ZC3H15: variants seen among roughly 807,000 people sequenced by gnomAD.
ZC3H15 encodes zinc finger CCCH-type containing 15.
ZC3H15 carries 15 observed loss-of-function variants against 51.2 expected under a neutral mutation model. The ratio of observed to expected loss-of-function variants is 0.29; its 90% CI spans 0.20 to 0.45. ZC3H15 has a LOEUF of 0.45. ZC3H15 is among the 20% of genes least tolerant of loss of function. ZC3H15 has a pLI of 1.00. For missense variants in ZC3H15, 381 were observed against 494.7 expected (o/e 0.77, Z 2.18); for synonymous variants, 144 against 162.8 (o/e 0.88, Z 0.88).
intron 8 of ZC3H15, 31 bp downstream of exon 8, chr2:186,505,872 A>T: frequency 6.2e-7 from 1 of 1,601,166 alleles, no homozygotes; most frequent in Non-Finnish European, 8.5e-7. Context: ...TCATCTCCTT[A>T]TGTTAATTGA....
chr2:186,492,319 T>C (rs886969928), intron 1 of ZC3H15, among the ~76,000 whole-genome samples: 1 of 152,364 alleles, frequency 6.6e-6, no homozygotes, highest in South Asian at 2.1e-4. Context: ...TCACATTATG[T>C]TGACCATCTT....
chr2:186,502,958 G>A (rs984992559), intron 5 of ZC3H15, among the ~76,000 whole-genome samples: 3 of 151,988 alleles, frequency 2.0e-5, no homozygotes, highest in Non-Finnish European at 4.4e-5. Flanking sequence ...GTTTTAATAG[G>A]GATAGATTTT....
chr2:186,487,295 T>C (rs906573950), intron 1 of ZC3H15: 4 of 152,214 alleles, frequency 2.6e-5, no homozygotes, highest in African/African-American at 9.7e-5. Context: ...AACAACTGAA[T>C]TGAGTTTCCT....
rs1302132784 is a variant in ZC3H15, at chr2:186,495,228, T to C, written c.76-5T>C. 6.5e-7 allele frequency: 1 copy of C among 1,537,344 alleles called. No homozygotes were observed. The highest frequency in any genetic ancestry group is 8.7e-7 in the Non-Finnish European group (1 of 1,147,186). On this transcript the variant is annotated splice_polypyrimidine_tract_variant and splice_region_variant and intron_variant, in intron 1 of 9. Transcript: ENST00000337859. ...TAAGATATTTCTGTGCTCTTTCTCA[T>C]GTAGGACAAAACTTTCGGTTTGAAG...
At chr2:186,496,810 G>A (rs1685289630) in intron 2 of ZC3H15, among the ~76,000 whole-genome samples, 1 of 152,156 alleles carries the variant, frequency 6.6e-6, no homozygotes. Flanking sequence ...AATGATTTGT[G>A]TCTGAACATA....
chr2:186,500,604 C>G, intron 3 of ZC3H15: 2 of 513,844 alleles, frequency 3.9e-6, no homozygotes, highest in Admixed American at 2.3e-5. Context: ...GTTGAATAAA[C>G]TGTACGTCCC....
At chr2:186,489,233 T>G (rs569181685) in intron 1 of ZC3H15, 1 of 152,352 alleles carries the variant, frequency 6.6e-6, no homozygotes, top group East Asian at 1.9e-4. Flanking sequence ...TGATATTTGC[T>G]ACTACTGGAG....
intron 8 of ZC3H15, 103 bp downstream of exon 8, chr2:186,505,944 T>C: frequency 8.1e-7 from 1 of 1,231,662 alleles, no homozygotes; most frequent in Non-Finnish European, 1.2e-6. Context: ...CCACAGTGCC[T>C]GGGTTCAAAT....
chr2:186,495,467 G>C, intron 2 of ZC3H15, 133 bp downstream of exon 2: 1 of 597,452 alleles, frequency 1.7e-6, no homozygotes, highest in Non-Finnish European at 2.7e-6. Flanking sequence ...TTTGCACCTT[G>C]GCCTTCCTTA....
intron 2 of ZC3H15, chr2:186,497,106 A>G (rs765165313): frequency 4.6e-6 from 2 of 434,872 alleles, no homozygotes; most frequent in South Asian, 3.4e-5. Flanking sequence ...TAAAGATTTC[A>G]TAGACATGGA....
intron 2 of ZC3H15, among the ~76,000 whole-genome samples, chr2:186,498,002 T>C (rs1417640852): frequency 6.6e-6 from 1 of 152,172 alleles, no homozygotes; most frequent in Non-Finnish European, 1.5e-5. Flanking sequence ...AAGGAGTCAC[T>C]GAAGCCAAGG....
At chr2:186,499,641 A>G (rs1450335579) in intron 2 of ZC3H15, 1 of 449,864 alleles carries the variant, frequency 2.2e-6, no homozygotes, top group Admixed American at 2.4e-5. Flanking sequence ...AAATGTTTGG[A>G]TGAATCCTCT....
rs1033781914 is a variant in ZC3H15, at chr2:186,509,271, A to G, written c.*538A>G. On this transcript the variant is annotated 3_prime_UTR_variant, in exon 10 of 10. Transcript: ENST00000337859. ...CTTCTTTTATCTGACAGGATCAGCT[A>G]CAATGCCCTGTGTTAAATTGTTTAA... 3.0e-4 allele frequency: 56 copies of G among 188,538 alleles called. No homozygotes were observed. Among genetic ancestry groups the G allele is most frequent in the Non-Finnish European group, 1.7e-4 (15 of 89,736 alleles). 11.7% of individuals were successfully genotyped at this position (188,538 alleles called of 1,614,324 possible). A position where few individuals can be genotyped will look rare whatever the true frequency, so the allele number is the denominator to read the frequency against.
intron 9 of ZC3H15, among the ~76,000 whole-genome samples, 170 bp from the exon 10 acceptor site, chr2:186,508,373 C>T (rs1685501324): frequency 1.3e-5 from 2 of 152,100 alleles, no homozygotes; most frequent in Non-Finnish European, 2.9e-5. Context: ...ATAATTGGCA[C>T]AGATAAGCTC....
chr2:186,504,394 C>T (rs1337653017), intron 6 of ZC3H15, among the ~76,000 whole-genome samples, 180 bp downstream of exon 6: 2 of 152,184 alleles, frequency 1.3e-5, no homozygotes, highest in East Asian at 3.8e-4. Context: ...TAGCCATAAA[C>T]ATTAGCCAAT....
intron 1 of ZC3H15, among the ~76,000 whole-genome samples, chr2:186,489,299 T>C (rs112258609): frequency 1.1e-4 from 16 of 152,334 alleles, no homozygotes; most frequent in African/African-American, 3.8e-4. Context: ...TGAAATTAGA[T>C]TTATAGAGAC....
intron 2 of ZC3H15, among the ~76,000 whole-genome samples, chr2:186,496,426 C>CA (rs1365122902): frequency 6.6e-6 from 1 of 152,194 alleles, no homozygotes; most frequent in Non-Finnish European, 1.5e-5. Context: ...CCGTGTCACC[C>CA]AGGGTGGCCT....
chr2:186,508,394 G>C (rs1685501564), intron 9 of ZC3H15, 149 bp from the exon 10 acceptor site: 6 of 672,578 alleles, frequency 8.9e-6, no homozygotes, highest in East Asian at 5.4e-5. Flanking sequence ...AGAAAAGAAT[G>C]ATCAGTTCTT....
intron 2 of ZC3H15, among the ~76,000 whole-genome samples, chr2:186,497,534 T>A (rs1049844842): frequency 3.9e-5 from 6 of 152,220 alleles, no homozygotes; most frequent in African/African-American, 9.6e-5. Flanking sequence ...GATCCTTAAA[T>A]AGCAACCCTG....
Sources: allele counts gnomAD v4.1 joint callset (sites outside exome capture counted in the v4.1 genomes callset), GRCh38; gene constraint gnomAD v4.1.1; transcripts MANE v1.5; gene names NCBI Gene and HGNC (gene_info 2026-07-23, HGNC 2026-07-21).